Variants in DDX25 observed in about 807,000 individuals in gnomAD.
DDX25 encodes ATP-dependent RNA helicase DDX25.
In DDX25, 70 loss-of-function variants were observed where a neutral mutation model predicts 64.6. The observed-to-expected ratio is 1.08, with a 90% confidence interval of 0.89 to 1.32. The LOEUF is 1.32. Ranked by LOEUF, DDX25 falls within the 40% of genes most tolerant of loss-of-function variation. The pLI, the probability that DDX25 is intolerant of heterozygous loss-of-function variation, is 0.00. For synonymous variants in DDX25, 211 were observed against 213.3 expected (o/e 0.99, Z 0.09); for missense variants, 587 against 604.4 (o/e 0.97, Z 0.30).
chr11:125,917,723 A>C (rs1448373185), intron 9 of DDX25, among the ~76,000 whole-genome samples: 1 of 152,202 alleles, frequency 6.6e-6, no homozygotes, highest in African/African-American at 2.4e-5. Context: ...CCACTGCACT[A>C]GACCAGCACC....
Position 125,905,238 on chromosome 11 carries a change from GA to G in DDX25, c.92del (p.Asn31ThrfsTer13). 6.4e-7 allele frequency: 1 copy of G among 1,551,688 alleles called. No homozygotes were observed. The highest frequency in any genetic ancestry group is 8.7e-7 in the Non-Finnish European group (1 of 1,146,990). On this transcript the variant is annotated frameshift_variant, in exon 2 of 12. Transcript: ENST00000263576. LOFTEE classifies it high-confidence loss of function. Reference protein sequence around the residue: ...HFSNLSQPRKNLWGIKSTAVR... With the variant: ...HFSNLSQPRKXLWGIKSTAVR... ...TTTCAAACCTCAGCCAACCCCGGAA[GA>G]ACCTTTGGGGTATTAAGAGTACTGC...
Position 125,918,746 on chromosome 11 carries a change from A to T in DDX25, c.1157A>T (p.Asp386Val). 1 of 1,608,592 alleles carries T rather than the reference A, an allele frequency of 6.2e-7. No homozygotes were observed. The highest frequency in any genetic ancestry group is 8.5e-7 in the Non-Finnish European group (1 of 1,177,372). ...GCTTCCATCATTCAGAGGTTTCGGG[A>T]TGGGAAAGAGAAGGTTCTCATAACA... is the stretch of plus-strand genomic sequence containing the variant. ...QRASIIQRFR[D>V]GKEKVLITTN... The change falls in exon 10 of 12, where the codon GAT becomes GTT. Residue 386 changes from aspartate (D) to valine (V), a missense_variant. Transcript: ENST00000263576.
intron 4 of DDX25, among the ~76,000 whole-genome samples, chr11:125,906,697 G>C (rs910762424): frequency 1.3e-5 from 2 of 151,152 alleles, no homozygotes; most frequent in African/African-American, 4.9e-5. Context: ...ATGGTGGCGC[G>C]CACCTGTAAT....
At chr11:125,911,583 C>T in intron 8 of DDX25, 95 bp downstream of exon 8, 1 of 1,241,422 alleles carries the variant, frequency 8.1e-7, no homozygotes, top group Non-Finnish European at 1.1e-6. Flanking sequence ...TGCTTAACTC[C>T]TCACCACCTT....
Position 125,921,150 on chromosome 11 carries a change from G to C in DDX25, c.1202-41G>C. On this transcript the variant is annotated intron_variant, in intron 10 of 11. Coordinates refer to ENST00000263576, the MANE Select transcript of DDX25 (RefSeq NM_013264.5). The surrounding 1 kb of genome is among the most constrained non-coding windows in gnomAD (Gnocchi z 4.1). ...GGTACTTGAATGGCCCGTGTACTGAGGAAAGCATTGCAGGACCCTACAGTG... is the reference window on the plus strand; with the variant it reads ...GGTACTTGAATGGCCCGTGTACTGACGAAAGCATTGCAGGACCCTACAGTG... 6.4e-7 allele frequency: 1 copy of C among 1,568,514 alleles called. No homozygotes were observed. Among genetic ancestry groups the C allele is most frequent in the Non-Finnish European group, 8.7e-7 (1 of 1,155,224 alleles).
intron 4 of DDX25, among the ~76,000 whole-genome samples, chr11:125,907,194 T>C (rs1296499477): frequency 3.9e-5 from 6 of 152,148 alleles, no homozygotes; most frequent in Non-Finnish European, 5.9e-5. Flanking sequence ...ATGTAAAGGG[T>C]AAAAATCCAA....
At chr11:125,916,461 T>C (rs1397875670) in intron 8 of DDX25, among the ~76,000 whole-genome samples, 2 of 152,326 alleles carry the variant, frequency 1.3e-5, no homozygotes, top group East Asian at 1.9e-4. Context: ...TTTCACCTGT[T>C]TTTTAACTTT....
chr11:125,911,315 C>G lies in DDX25; in HGVS notation c.627C>G (p.Pro209=). 6.2e-7 allele frequency: 1 copy of G among 1,610,250 alleles called. No individual in the cohort carries two copies. The highest frequency in any genetic ancestry group is 8.5e-7 in the Non-Finnish European group (1 of 1,178,172). ...TTAAAACCCTTTTCTCCCCAGTTCCCAGAGGCACCGACATCACTAAACAGA... is the reference window on the plus strand; with the variant it reads ...TTAAAACCCTTTTCTCCCCAGTTCCGAGAGGCACCGACATCACTAAACAGA... The part of the protein sequence containing the change: ...VMYAIRGNRI[P]RGTDITKQII... The change falls in exon 8 of 12, where the codon CCC becomes CCG. Residue 209 remains proline (P), a synonymous_variant. Transcript: ENST00000263576.
Position 125,922,904 on chromosome 11 carries a change from C to T in DDX25, c.*23C>T. ...TGAAGAAAGAACTTTATTGTTTGTG[C>T]AGTATCCTAGTTTATGTGAGAATGT... On this transcript the variant is annotated 3_prime_UTR_variant, in exon 12 of 12. Coordinates refer to ENST00000263576, the MANE Select transcript of DDX25 (RefSeq NM_013264.5). 2 of 1,589,700 alleles carry T rather than the reference C, an allele frequency of 1.3e-6. No individual in the cohort carries two copies. The highest frequency in any genetic ancestry group is 8.6e-7 in the Non-Finnish European group (1 of 1,166,018).
Position 125,923,054 on chromosome 11 carries a change from A to G in DDX25, c.*173A>G, listed in dbSNP as rs1028766274. On this transcript the variant is annotated 3_prime_UTR_variant, in exon 12 of 12. Coordinates refer to ENST00000263576, the MANE Select transcript of DDX25 (RefSeq NM_013264.5). ...ATGAGGTCTTTTTGAAGCCAAATTG[A>G]TGTGAAGCTTGTGATCCTTTTGAAT... 6.5e-5 allele frequency: 38 copies of G among 583,274 alleles called. No individual in the cohort carries two copies. The African/African-American group carries it at 7.1e-4, about 11-fold the overall frequency. 36.1% of individuals were successfully genotyped at this position (583,274 alleles called of 1,614,324 possible).
At chr11:125,922,158 A>C (rs1179002302) in intron 11 of DDX25, 1 of 152,214 alleles carries the variant, frequency 6.6e-6, no homozygotes, top group Non-Finnish European at 1.5e-5. Flanking sequence ...TAAACAAGGC[A>C]GGCTCTGATG....
rs1945150518 is a variant in DDX25, at chr11:125,924,446, A to C, written c.*1565A>C. The C allele has an allele frequency of 6.6e-6, 1 of 152,290 alleles. No individual in the cohort carries two copies. Among genetic ancestry groups the C allele is most frequent in the Non-Finnish European group, 1.5e-5 (1 of 68,096 alleles). The allele number at this position is 152,290 out of a possible 1,614,324, so 9.4% of individuals were successfully genotyped here. A position where few individuals can be genotyped will look rare whatever the true frequency, so the allele number is the denominator to read the frequency against. ...AGACTGTGCTAAAGCAAGCGGGCCC[A>C]GATCACTAGTGTAGCACAGAGGAGG... is the stretch of plus-strand genomic sequence containing the variant. On this transcript the variant is annotated 3_prime_UTR_variant, in exon 12 of 12. Coordinates refer to ENST00000263576, the MANE Select transcript of DDX25 (RefSeq NM_013264.5).
intron 9 of DDX25, 41 bp downstream of exon 9, chr11:125,917,292 C>G: frequency 1.3e-6 from 2 of 1,544,662 alleles, no homozygotes; most frequent in Non-Finnish European, 1.7e-6. Context: ...CCAGATATGC[C>G]TACAGGCCGA....
At position 125,923,132 on chromosome 11, in the gene DDX25, A is replaced by C; in HGVS notation, c.*251A>C. ...CTAATCTTTGTACAGGTAATGTCTCAATGTGGGCTATGGGGGTGTTTTTGG... is the reference window on the plus strand; with the variant it reads ...CTAATCTTTGTACAGGTAATGTCTCCATGTGGGCTATGGGGGTGTTTTTGG... On this transcript the variant is annotated 3_prime_UTR_variant, in exon 12 of 12. Coordinates refer to ENST00000263576, the MANE Select transcript of DDX25 (RefSeq NM_013264.5). 1.3e-5 allele frequency: 6 copies of C among 450,380 alleles called. No individual in the cohort carries two copies. Among genetic ancestry groups the C allele is most frequent in the East Asian group, 3.8e-5 (1 of 26,544 alleles). The allele number at this position is 450,380 out of a possible 1,614,324, so 27.9% of individuals were successfully genotyped here.
intron 6 of DDX25, 108 bp downstream of exon 6, chr11:125,908,611 T>TAGAAAAGAA: frequency 9.0e-7 from 1 of 1,106,228 alleles, no homozygotes; most frequent in Non-Finnish European, 1.3e-6. Flanking sequence ...ATGAAATATT[T>TAGAAAAGAA]AGAAAAGACA....
rs186196992 is a variant in DDX25 at position 125,915,668 on chromosome 11, A to G, written c.801-1346A>G. 2.0e-5 allele frequency among the ~76,000 whole-genome samples: 3 copies of G among 152,362 alleles called. No homozygotes were observed. The East Asian group carries it at 5.8e-4, about 29-fold the overall frequency. ...AGGATTGTGACCCAGCAGGTGGCCA[A>G]GAGGCTCTAGCATGTGGAATGCAGA... On this transcript the variant is annotated intron_variant, in intron 8 of 11. Transcript: ENST00000263576.
In DDX25 at chr11:125,926,643, A is replaced by G. The variant is rs1223092130; in HGVS notation, c.*3762A>G. The G allele has an allele frequency of 1.3e-5, 2 of 151,950 alleles. No homozygotes were observed. The highest frequency in any genetic ancestry group is 1.5e-5 in the Non-Finnish European group (1 of 68,028). 9.4% of individuals were successfully genotyped at this position (151,950 alleles called of 1,614,324 possible). ...CTGCAAACTCTGCCTCCCCGGTTCA[A>G]GCAATTCTCCTGTCTCAGCCTCCCG... On this transcript the variant is annotated 3_prime_UTR_variant, in exon 12 of 12. Coordinates refer to ENST00000263576, the MANE Select transcript of DDX25 (RefSeq NM_013264.5).
At position 125,915,883 on chromosome 11, in the gene DDX25, G is replaced by A. The variant is rs755033164; in HGVS notation, c.801-1131G>A. On this transcript the variant is annotated intron_variant, in intron 8 of 11. Transcript: ENST00000263576. ...CACTTTCTCATTTACCACCCCTTCC[G>A]TCTTCCAAAAATGTATTTAGATAAC... Among the ~76,000 whole-genome samples the A allele has an allele frequency of 2.0e-5, 3 of 152,174 alleles. No individual in the cohort carries two copies. The South Asian group carries it at 6.2e-4, about 32-fold the overall frequency.
At chr11:125,918,021 G>A (rs1273877884) in intron 9 of DDX25, among the ~76,000 whole-genome samples, 1 of 152,096 alleles carries the variant, frequency 6.6e-6, no homozygotes, top group Non-Finnish European at 1.5e-5. Flanking sequence ...TGAGACTACA[G>A]GCGCCTGCCA....
Sources: allele counts gnomAD v4.1 joint callset (sites outside exome capture counted in the v4.1 genomes callset), GRCh38; gene constraint gnomAD v4.1.1; non-coding constraint Gnocchi (gnomAD v3.1); transcripts MANE v1.5; gene names NCBI Gene and HGNC (gene_info 2026-07-23, HGNC 2026-07-21).